Variants in TENM2 observed in about 807,000 individuals in gnomAD.
TENM2 encodes teneurin transmembrane protein 2.
A neutral mutation model predicts 245.2 loss-of-function variants in TENM2; 52 were observed. The observed-to-expected ratio is 0.21, with a 90% CI of 0.17 to 0.27. The LOEUF (loss-of-function observed/expected upper bound fraction) is 0.27. Among genes scored for constraint, TENM2 ranks in the 10% least tolerant of loss-of-function variants. The pLI is 1.00. For synonymous variants in TENM2, 1,363 were observed against 1,438.9 expected, an observed-to-expected ratio of 0.95 and a Z score of 1.19; for missense variants, 3,046 against 3,666.8, an observed-to-expected ratio of 0.83 and a Z score of 4.37.
chr5:167,834,333 T>C (rs976028035), intron 2 of TENM2, among the ~76,000 whole-genome samples: 8 of 152,176 alleles, frequency 5.3e-5, no homozygotes, highest in African/African-American at 1.9e-4. Flanking sequence ...GGATTTTTCC[T>C]ACACTCACTG....
chr5:167,573,313 A>C (rs995334156), intron 2 of TENM2, among the ~76,000 whole-genome samples: 1 of 152,196 alleles, frequency 6.6e-6, no homozygotes, highest in Non-Finnish European at 1.5e-5. Flanking sequence ...TGCCAATCAG[A>C]CAAACCCAGA....
the TENM2 span, among the ~76,000 whole-genome samples, chr5:167,169,487 G>A: frequency 1.3e-5 from 2 of 152,238 alleles, no homozygotes; most frequent in East Asian, 1.9e-4. Context: ...CCTTGGGCAT[G>A]TCCCTTAACT....
At chr5:167,021,154 TA>T in the TENM2 span, among the ~76,000 whole-genome samples, 3 of 135,838 alleles carry the variant, frequency 2.2e-5, no homozygotes, top group Admixed American at 2.3e-4. Context: ...TAAAATAAAA[TA>T]AAAAGGAGGC....
In TENM2 at chr5:168,044,529, A is replaced by G. The variant is rs566912625; in HGVS notation, c.1187-2898A>G. 1.1e-4 allele frequency among the ~76,000 whole-genome samples: 17 copies of G among 152,276 alleles called. No individual in the cohort carries two copies. The South Asian group carries it at 2.5e-3, about 22-fold the overall frequency. ...ATTATGTGTTTTTTAATTTATAAGC[A>G]TATAACATCCTACAATCCAACCCCC... is the stretch of plus-strand genomic sequence containing the variant. On this transcript the variant is annotated intron_variant, in intron 5 of 28. Transcript: ENST00000518659.
At chr5:168,000,383 G>A (rs899067177) in intron 5 of TENM2, among the ~76,000 whole-genome samples, 5 of 152,176 alleles carry the variant, frequency 3.3e-5, no homozygotes, top group East Asian at 1.9e-4. Context: ...GCTTGATGTC[G>A]TAGAAAGCAC....
intron 3 of TENM2, among the ~76,000 whole-genome samples, chr5:167,949,787 A>G (rs75089024): frequency 0.023 from 3,555 of 152,212 alleles, 75 homozygotes; most frequent in Non-Finnish European, 0.036. Context: ...ATTCCTCTGT[A>G]TATATCCCAG....
the TENM2 span, among the ~76,000 whole-genome samples, chr5:166,988,686 A>G: frequency 6.6e-6 from 1 of 152,224 alleles, no homozygotes; most frequent in Non-Finnish European, 1.5e-5. Context: ...AGATATAGAA[A>G]CAGGCATTTC....
intron 2 of TENM2, among the ~76,000 whole-genome samples, chr5:167,798,884 C>A (rs985148181): frequency 3.3e-5 from 5 of 152,168 alleles, no homozygotes; most frequent in Non-Finnish European, 5.9e-5. Flanking sequence ...GTATGCTGAA[C>A]CCTACCCTTG....
At chr5:167,042,157 TA>T in the TENM2 span, among the ~76,000 whole-genome samples, 7 of 152,338 alleles carry the variant, frequency 4.6e-5, no homozygotes, top group East Asian at 9.6e-4. Flanking sequence ...TACAAATCAT[TA>T]TTACTTCTTT....
chr5:167,656,596 A>G (rs1221556545), intron 2 of TENM2, among the ~76,000 whole-genome samples: 2 of 152,168 alleles, frequency 1.3e-5, no homozygotes, highest in Non-Finnish European at 2.9e-5. Context: ...ATTTTGGTAC[A>G]TTAAGTCTGA....
intron 2 of TENM2, among the ~76,000 whole-genome samples, chr5:167,402,395 C>A (rs1762411720): frequency 6.6e-6 from 1 of 152,070 alleles, no homozygotes; most frequent in Non-Finnish European, 1.5e-5. Flanking sequence ...TGGGTTCATG[C>A]ATGCAGTCCT....
At chr5:167,930,759 A>T in intron 3 of TENM2, among the ~76,000 whole-genome samples, 1 of 145,790 alleles carries the variant, frequency 6.9e-6, no homozygotes, top group South Asian at 2.2e-4. Context: ...AAAGAAGAGA[A>T]TTTTTTTTTT....
At chr5:167,780,362 C>A (rs189130732) in intron 2 of TENM2, among the ~76,000 whole-genome samples, 1 of 152,188 alleles carries the variant, frequency 6.6e-6, no homozygotes, top group Non-Finnish European at 1.5e-5. Flanking sequence ...AGTTGCCCAA[C>A]GTGCACAGTC....
intron 5 of TENM2, among the ~76,000 whole-genome samples, chr5:168,039,950 G>A (rs1402093133): frequency 6.6e-6 from 1 of 152,122 alleles, no homozygotes; most frequent in African/African-American, 2.4e-5. Context: ...GCTGACAGGA[G>A]CCCCATTTGT....
Position 168,204,505 on chromosome 5 carries a change from G to A in TENM2, c.3708G>A (p.Lys1236=), listed in dbSNP as rs565584962. ...GCAACGGCCTTGCTGAAGGCAACAA[G>A]CTGCTGGCCCCAGTGGCTCTGGCTG... The change falls in exon 19 of 29, where the codon AAG becomes AAA. Residue 1236 remains lysine (K), a synonymous_variant. Transcript: ENST00000518659. The A allele has an allele frequency of 4.6e-5, 74 of 1,614,048 alleles. No individual in the cohort carries two copies. The Admixed American group carries it at 1.2e-3, about 26-fold the overall frequency.
At chr5:168,118,511 G>A (rs770499931) in intron 10 of TENM2, 25 bp downstream of exon 12, 1 of 1,485,444 alleles carries the variant, frequency 6.7e-7, no homozygotes, top group East Asian at 2.3e-5. Flanking sequence ...CCCGGGGCTA[G>A]GCAGCAGTGG....
chr5:168,240,741 G>A (rs1450420328), intron 25 of TENM2, among the ~76,000 whole-genome samples: 3 of 152,090 alleles, frequency 2.0e-5, no homozygotes, highest in Non-Finnish European at 2.9e-5. Flanking sequence ...ATAAGAAAAG[G>A]GAAGGAGGAA....
At chr5:167,064,178 G>A in the TENM2 span, among the ~76,000 whole-genome samples, 1 of 152,172 alleles carries the variant, frequency 6.6e-6, no homozygotes, top group Non-Finnish European at 1.5e-5. Context: ...ACGGGGGCCT[G>A]GGGGAGGGTT....
chr5:167,752,218 C>A (rs1272246508), intron 2 of TENM2, among the ~76,000 whole-genome samples: 1 of 151,410 alleles, frequency 6.6e-6, no homozygotes, highest in South Asian at 2.1e-4. Flanking sequence ...CCTCAGCCTC[C>A]TGAGTAGCTG....
Sources: allele counts gnomAD v4.1 joint callset (sites outside exome capture counted in the v4.1 genomes callset), GRCh38; gene constraint gnomAD v4.1.1; transcripts MANE v1.5; gene names NCBI Gene and HGNC (gene_info 2026-07-23, HGNC 2026-07-21).